Variants in MBOAT2 observed in about 807,000 individuals in gnomAD.
The protein encoded by MBOAT2 is membrane-bound glycerophospholipid O-acyltransferase 2.
A neutral mutation model predicts 63.4 loss-of-function variants in MBOAT2; 28 were observed. The observed-to-expected ratio is 0.44, with a 90% CI of 0.33 to 0.61. The LOEUF (loss-of-function observed/expected upper bound fraction) is 0.61, where lower values mean the gene tolerates loss of function less well. Among genes scored for constraint, MBOAT2 ranks in the 20% least tolerant of loss-of-function variants. The probability of loss-of-function intolerance (pLI) is 0.03; values close to 1 mark genes in which losing one functional copy is unlikely to be tolerated. For missense variants in MBOAT2, 470 were observed against 605.8 expected (o/e 0.78, Z 2.35); for synonymous variants, 211 against 215.6 (o/e 0.98, Z 0.19).
At chr2:8,912,850 T>G (rs1665893231) in intron 3 of MBOAT2, among the ~76,000 whole-genome samples, 6 of 152,108 alleles carry the variant, frequency 3.9e-5, no homozygotes, top group Admixed American at 3.9e-4. Flanking sequence ...AGTTCTAAAA[T>G]TCATATGGAA....
chr2:8,874,072 T>A (rs1662533162), intron 7 of MBOAT2, among the ~76,000 whole-genome samples: 1 of 152,200 alleles, frequency 6.6e-6, no homozygotes, highest in African/African-American at 2.4e-5. Context: ...ATATCTGGAT[T>A]TAGAAGTGCT....
rs187526273 is a variant in MBOAT2, at chr2:8,955,527, T to C, written c.221+2970A>G. Among the ~76,000 whole-genome samples the C allele has an allele frequency of 1.3e-3, 204 of 152,344 alleles. 1 individual carries two copies. Among genetic ancestry groups the C allele is most frequent in the African/African-American group, 4.6e-3 (193 of 41,578 alleles). ...TTCTGGTGAATTCCTGTTTTCCTTC[T>C]TGAATTAAAGCTCAGAGAGTTGATC... On this transcript the variant is annotated intron_variant, in intron 2 of 12. Coordinates refer to ENST00000305997, the MANE Select transcript of MBOAT2 (RefSeq NM_138799.4).
intron 1 of MBOAT2, among the ~76,000 whole-genome samples, chr2:8,973,513 T>C (rs573696446): frequency 3.5e-3 from 503 of 144,550 alleles, no homozygotes; most frequent in Non-Finnish European, 5.2e-3. Flanking sequence ...GAACTTAAAG[T>C]ATAATAAAAA....
chr2:8,986,660 T>C (rs1472769905), intron 1 of MBOAT2, among the ~76,000 whole-genome samples: 1 of 152,136 alleles, frequency 6.6e-6, no homozygotes, highest in African/African-American at 2.4e-5. Flanking sequence ...AATTCATATG[T>C]TGAAGCCCTT....
intron 2 of MBOAT2, among the ~76,000 whole-genome samples, chr2:8,948,994 A>G (rs1007428598): frequency 6.6e-6 from 1 of 152,112 alleles, no homozygotes; most frequent in African/African-American, 2.4e-5. Context: ...AGCCTTGCCA[A>G]TATCCGTTGT....
At chr2:8,972,845 C>T (rs1336163764) in intron 1 of MBOAT2, among the ~76,000 whole-genome samples, 2 of 152,058 alleles carry the variant, frequency 1.3e-5, no homozygotes, top group Non-Finnish European at 2.9e-5. Context: ...GTTAGAATGG[C>T]AATCATTAAA....
At chr2:8,922,004 CGTT>C (rs1558617732) in intron 3 of MBOAT2, among the ~76,000 whole-genome samples, 1 of 152,076 alleles carries the variant, frequency 6.6e-6, no homozygotes, top group African/African-American at 2.4e-5. Flanking sequence ...TCGCGTTAAA[CGTT>C]GTTGATGCAT....
At chr2:8,968,283 C>T (rs555232562) in intron 1 of MBOAT2, among the ~76,000 whole-genome samples, 2 of 152,328 alleles carry the variant, frequency 1.3e-5, no homozygotes, top group East Asian at 3.9e-4. Flanking sequence ...TGGAGTGGAC[C>T]TCCAGCAAAC....
intron 1 of MBOAT2, among the ~76,000 whole-genome samples, chr2:8,969,073 A>C (rs1432270636): frequency 6.6e-6 from 1 of 152,174 alleles, no homozygotes; most frequent in Non-Finnish European, 1.5e-5. Context: ...TAATTGTAAG[A>C]TTCACCAAAG....
At chr2:8,933,773 A>G (rs1374225333) in intron 3 of MBOAT2, among the ~76,000 whole-genome samples, 1 of 152,188 alleles carries the variant, frequency 6.6e-6, no homozygotes, top group Non-Finnish European at 1.5e-5. Flanking sequence ...TAGGTTCAGA[A>G]TGTCCAAAGT....
chr2:8,864,086 A>T, intron 10 of MBOAT2, 84 bp downstream of exon 10: 1 of 952,768 alleles, frequency 1.0e-6, no homozygotes, highest in Non-Finnish European at 1.6e-6. Flanking sequence ...CCGTTAATTT[A>T]ATCAAGAACC....
chr2:8,907,388 C>G (rs1665414464), intron 4 of MBOAT2, among the ~76,000 whole-genome samples: 1 of 152,238 alleles, frequency 6.6e-6, no homozygotes, highest in Non-Finnish European at 1.5e-5. Flanking sequence ...TGCAAATTCT[C>G]AGGAGAATTT....
At chr2:8,924,145 T>C (rs953417396) in intron 3 of MBOAT2, among the ~76,000 whole-genome samples, 1 of 152,178 alleles carries the variant, frequency 6.6e-6, no homozygotes, top group Non-Finnish European at 1.5e-5. Context: ...ACCACCTGCT[T>C]TATCAGCACA....
In MBOAT2 at chr2:8,873,319, G is replaced by C; in HGVS notation, c.691-19C>G. The C allele has an allele frequency of 6.2e-7, 1 of 1,606,072 alleles. No homozygotes were observed. Among genetic ancestry groups the C allele is most frequent in the Non-Finnish European group, 8.5e-7 (1 of 1,174,978 alleles). The stretch of plus-strand genomic sequence containing the variant: ...CCGCAGTCTGAAAAGCGCAAGGCGA[G>C]ACTTCATCAACTTTATCCATGCTCC... On this transcript the variant is annotated intron_variant, in intron 7 of 12. Transcript: ENST00000305997.
intron 3 of MBOAT2, among the ~76,000 whole-genome samples, chr2:8,928,608 A>T (rs1156518282): frequency 6.6e-6 from 1 of 152,202 alleles, no homozygotes; most frequent in Non-Finnish European, 1.5e-5. Flanking sequence ...TGAGAATTTT[A>T]AAAAATCTGT....
intron 1 of MBOAT2, among the ~76,000 whole-genome samples, chr2:8,960,605 A>G (rs576498483): frequency 7.2e-5 from 11 of 152,314 alleles, no homozygotes; most frequent in East Asian, 1.9e-4. Flanking sequence ...CCCCCATTCC[A>G]TATCAGTCTA....
intron 1 of MBOAT2, among the ~76,000 whole-genome samples, chr2:8,991,144 A>G (rs960660159): frequency 1.3e-5 from 2 of 152,210 alleles, no homozygotes; most frequent in African/African-American, 4.8e-5. Context: ...TCCAAAGCTG[A>G]TAACTCCAGA....
chr2:8,962,844 G>T (rs575357716), intron 1 of MBOAT2, among the ~76,000 whole-genome samples: 4 of 152,074 alleles, frequency 2.6e-5, no homozygotes, highest in Admixed American at 2.6e-4. Context: ...TAACAATGTG[G>T]AAGGAAAAAG....
At chr2:8,899,203 G>C (rs908445195) in intron 4 of MBOAT2, among the ~76,000 whole-genome samples, 1 of 152,116 alleles carries the variant, frequency 6.6e-6, no homozygotes, top group African/African-American at 2.4e-5. Flanking sequence ...ACAACAAATG[G>C]GTAACTTGTT....
Sources: allele counts gnomAD v4.1 joint callset (sites outside exome capture counted in the v4.1 genomes callset), GRCh38; gene constraint gnomAD v4.1.1; transcripts MANE v1.5; gene names NCBI Gene and HGNC (gene_info 2026-07-23, HGNC 2026-07-21).